FUT8: variants seen among roughly 807,000 people sequenced by gnomAD.
FUT8 encodes the protein fucosyltransferase 8.
In FUT8, 29 loss-of-function variants were observed where a neutral mutation model predicts 71.3. The ratio of observed to expected loss-of-function variants is 0.41; its 90% confidence interval spans 0.30 to 0.55. FUT8 has a LOEUF of 0.55. Among genes scored for constraint, FUT8 ranks in the 20% least tolerant of loss-of-function variants. The pLI, the probability that FUT8 is intolerant of heterozygous loss-of-function variation, is 0.34. For synonymous variants in FUT8, 254 were observed against 239.3 expected (o/e 1.06, Z -0.57); for missense variants, 544 against 702.1 (o/e 0.77, Z 2.55).
chr14:65,618,084 A>G (rs1889399067), intron 5 of FUT8, among the ~76,000 whole-genome samples: 1 of 126,318 alleles, frequency 7.9e-6, no homozygotes, highest in South Asian at 2.5e-4. Context: ...TTTATTTTTT[A>G]GATGTGGAGG....
At chr14:65,657,536 C>A (rs1321372663) in intron 6 of FUT8, among the ~76,000 whole-genome samples, 1 of 152,084 alleles carries the variant, frequency 6.6e-6, no homozygotes, top group East Asian at 1.9e-4. Context: ...ATGGATGGAA[C>A]TGGAGATCAT....
chr14:65,422,608 C>T (rs2065315916), intron 1 of FUT8, among the ~76,000 whole-genome samples: 1 of 152,126 alleles, frequency 6.6e-6, no homozygotes, highest in South Asian at 2.1e-4. Flanking sequence ...AGGCAGTCCT[C>T]CTGCCTCAGC....
intron 1 of FUT8, among the ~76,000 whole-genome samples, chr14:65,443,353 T>C (rs1193277876): frequency 6.0e-5 from 9 of 149,706 alleles, no homozygotes; most frequent in African/African-American, 2.0e-4. Flanking sequence ...GAGCTTGCAG[T>C]GAGCCGAGAC....
intron 6 of FUT8, among the ~76,000 whole-genome samples, chr14:65,634,561 T>TAAAAA (rs35052434): frequency 1.6e-5 from 2 of 123,992 alleles, no homozygotes; most frequent in Non-Finnish European, 3.3e-5. Context: ...AATGATCAAT[T>TAAAAA]AAAAAAAAAA....
At chr14:65,474,440 T>TAAAAA (rs1236807241) in intron 2 of FUT8, among the ~76,000 whole-genome samples, 1 of 18,724 alleles carries the variant, frequency 5.3e-5, no homozygotes, top group African/African-American at 2.4e-4. Flanking sequence ...CTGTCTCTAC[T>TAAAAA]GAAAAAAAAA....
the FUT8 span, among the ~76,000 whole-genome samples, chr14:65,362,131 T>G: frequency 6.6e-6 from 1 of 152,236 alleles, no homozygotes; most frequent in Non-Finnish European, 1.5e-5. Flanking sequence ...GGTTGCATGT[T>G]GTTTTAACCC....
chr14:65,434,235 T>C (rs181968752), intron 1 of FUT8, among the ~76,000 whole-genome samples: 1 of 152,324 alleles, frequency 6.6e-6, no homozygotes, highest in African/African-American at 2.4e-5. Flanking sequence ...AACAACCAGA[T>C]CCAGGAACTT....
At chr14:65,674,446 C>T (rs1357845545) in intron 7 of FUT8, among the ~76,000 whole-genome samples, 1 of 152,182 alleles carries the variant, frequency 6.6e-6, no homozygotes, top group Non-Finnish European at 1.5e-5. Context: ...TAGGTTATAA[C>T]CTGCAACAAC....
intron 2 of FUT8, among the ~76,000 whole-genome samples, chr14:65,470,609 A>G (rs930419496): frequency 1.3e-5 from 2 of 152,190 alleles, no homozygotes; most frequent in African/African-American, 4.8e-5. Context: ...GGCAGAGCAG[A>G]TAACTGTCCG....
At chr14:65,429,861 CAAAAAAAAAAAAA>C (rs58941594) in intron 1 of FUT8, among the ~76,000 whole-genome samples, 2 of 81,006 alleles carry the variant, frequency 2.5e-5, no homozygotes, top group African/African-American at 1.0e-4. Context: ...GAGACTGTCT[CAAAAAAAAAAAAA>C]AAAAAAAAAA....
At chr14:65,561,791 G>C in intron 3 of FUT8, 25 bp downstream of exon 3, 1 of 1,567,648 alleles carries the variant, frequency 6.4e-7, no homozygotes, top group Non-Finnish European at 8.8e-7. Context: ...ACTGAATGAA[G>C]AATGATGAAA....
chr14:65,647,487 A>G (rs1008973509), intron 6 of FUT8, among the ~76,000 whole-genome samples: 1 of 152,194 alleles, frequency 6.6e-6, no homozygotes, highest in Non-Finnish European at 1.5e-5. Context: ...TCTCTGGGTT[A>G]TAAAAACTTG....
chr14:65,581,641 C>T (rs1161520952), intron 3 of FUT8, among the ~76,000 whole-genome samples: 9 of 152,078 alleles, frequency 5.9e-5, no homozygotes, highest in Non-Finnish European at 2.9e-5. Context: ...TAAACTGACA[C>T]ATGTAAATTT....
intron 3 of FUT8, among the ~76,000 whole-genome samples, chr14:65,592,330 T>A (rs530302155): frequency 6.6e-6 from 1 of 152,202 alleles, no homozygotes; most frequent in Non-Finnish European, 1.5e-5. Context: ...TGACCTATTA[T>A]CTATTTTTTT....
At chr14:65,633,253 G>A (rs1372065921) in intron 6 of FUT8, among the ~76,000 whole-genome samples, 1 of 152,190 alleles carries the variant, frequency 6.6e-6, no homozygotes, top group African/African-American at 2.4e-5. Context: ...GCTCCTAACC[G>A]CGAGTGATCC....
intron 1 of FUT8, among the ~76,000 whole-genome samples, chr14:65,422,092 G>A (rs1595353013): frequency 1.3e-5 from 2 of 152,064 alleles, no homozygotes; most frequent in African/African-American, 2.4e-5. Flanking sequence ...CAGCACCTTT[G>A]GTGTTGAACT....
chr14:65,736,019 C>T (rs151159945), intron 10 of FUT8, among the ~76,000 whole-genome samples: 149 of 152,214 alleles, frequency 9.8e-4, no homozygotes, highest in African/African-American at 3.3e-3. Context: ...CCACTGATCA[C>T]AGAACAAGAA....
At chr14:65,665,538 C>T (rs1255641871) in intron 6 of FUT8, among the ~76,000 whole-genome samples, 1 of 152,058 alleles carries the variant, frequency 6.6e-6, no homozygotes, top group African/African-American at 2.4e-5. Context: ...GGAAATTACT[C>T]GAAGAACTTT....
Position 65,496,115 on chromosome 14 carries a change from T to C in FUT8, c.-228+40397T>C, listed in dbSNP as rs2066555099. On this transcript the variant is annotated intron_variant, in intron 2 of 10. Transcript: ENST00000673929. ...ATTTTGAGGGGAGGAAATAAGTCTC[T>C]TAGTTGGCCCCCTTGAGGCTGCCTA... is the stretch of plus-strand genomic sequence containing the variant. Among the ~76,000 whole-genome samples the C allele has an allele frequency of 2.6e-5, 4 of 152,150 alleles. No individual in the cohort carries two copies. In the South Asian group the frequency reaches 8.3e-4, roughly 32 times the overall value.
Sources: gnomAD v4.1 joint callset for allele counts (sites outside exome capture counted in the v4.1 genomes callset) on GRCh38, gnomAD v4.1.1 for gene constraint, MANE v1.5 for transcripts, NCBI Gene and HGNC (gene_info 2026-07-23, HGNC 2026-07-21) for gene names.